Variants in SLC24A2 observed in about 807,000 individuals in gnomAD.
SLC24A2 encodes solute carrier family 24 member 2, also known as sodium/potassium/calcium exchanger 2.
A neutral mutation model predicts 62.0 loss-of-function variants in SLC24A2; 36 were observed. The observed-to-expected ratio is 0.58, with a 90% CI of 0.44 to 0.77. SLC24A2 has a LOEUF of 0.77. Ranked by LOEUF, SLC24A2 falls within the 30% of genes least tolerant of loss-of-function variation. The probability of loss-of-function intolerance (pLI) is 0.00; values close to 1 mark genes in which losing one functional copy is unlikely to be tolerated. For synonymous variants in SLC24A2, 358 were observed against 294.0 expected (o/e 1.22, Z -2.23); for missense variants, 846 against 817.9 (o/e 1.03, Z -0.42).
At chr9:19,888,707 C>A in the SLC24A2 span, among the ~76,000 whole-genome samples, 44 of 152,208 alleles carry the variant, frequency 2.9e-4, no homozygotes, top group Non-Finnish European at 5.9e-4. Flanking sequence ...GGAAGCTGAA[C>A]CACTCTAGGT....
chr9:19,511,448 T>C lies in SLC24A2; in HGVS notation c.*4705A>G, dbSNP rs1459892667. ...TGGCTAAACATAGCCTGATATTTGTTACTGTTTTAAACTACATAGGGATAT... is the reference window on the plus strand; with the variant it reads ...TGGCTAAACATAGCCTGATATTTGTCACTGTTTTAAACTACATAGGGATAT... On this transcript the variant is annotated 3_prime_UTR_variant, in exon 11 of 11. Coordinates refer to ENST00000341998, the MANE Select transcript of SLC24A2 (RefSeq NM_020344.4). 1.3e-5 allele frequency: 2 copies of C among 152,196 alleles called. No homozygotes were observed. Among genetic ancestry groups the C allele is most frequent in the Non-Finnish European group, 2.9e-5 (2 of 68,028 alleles). 9.4% of individuals were successfully genotyped at this position (152,196 alleles called of 1,614,324 possible).
intron 8 of SLC24A2, among the ~76,000 whole-genome samples, chr9:19,530,352 T>C (rs1283061753): frequency 6.6e-6 from 1 of 152,150 alleles, no homozygotes; most frequent in Non-Finnish European, 1.5e-5. Context: ...TTCTGGGCAA[T>C]GTATGAGGAC....
At chr9:20,237,714 G>C in the SLC24A2 span, among the ~76,000 whole-genome samples, 1 of 152,136 alleles carries the variant, frequency 6.6e-6, no homozygotes, top group Non-Finnish European at 1.5e-5. Context: ...AGTAAGACTT[G>C]ATCTGAGCAG....
the SLC24A2 span, among the ~76,000 whole-genome samples, chr9:19,960,925 T>A: frequency 6.6e-6 from 1 of 152,138 alleles, no homozygotes; most frequent in East Asian, 1.9e-4. Flanking sequence ...AGCAAATATA[T>A]CTATTATTAT....
At chr9:20,031,564 T>C in the SLC24A2 span, among the ~76,000 whole-genome samples, 1 of 152,090 alleles carries the variant, frequency 6.6e-6, no homozygotes, top group Admixed American at 6.6e-5. Context: ...GAGAAGGATG[T>C]ACTTTTTTAA....
chr9:19,595,466 T>C (rs1368814564), intron 5 of SLC24A2, among the ~76,000 whole-genome samples: 1 of 152,176 alleles, frequency 6.6e-6, no homozygotes, highest in Admixed American at 6.5e-5. Flanking sequence ...TAAAGTATGT[T>C]GAGGGTGACC....
the SLC24A2 span, among the ~76,000 whole-genome samples, chr9:20,001,361 G>C: frequency 1.3e-5 from 2 of 152,164 alleles, no homozygotes; most frequent in African/African-American, 4.8e-5. Context: ...GGAGAGAAGG[G>C]AACTGTCCTG....
chr9:20,111,764 G>A, the SLC24A2 span, among the ~76,000 whole-genome samples: 1 of 152,022 alleles, frequency 6.6e-6, no homozygotes, highest in Non-Finnish European at 1.5e-5. Flanking sequence ...AATGTTAATG[G>A]CTTATTAAGA....
the SLC24A2 span, among the ~76,000 whole-genome samples, chr9:20,086,323 T>G: frequency 6.6e-5 from 10 of 152,136 alleles, no homozygotes; most frequent in Non-Finnish European, 1.3e-4. Flanking sequence ...GTGCACCTGC[T>G]CAGGGCTGCT....
the SLC24A2 span, among the ~76,000 whole-genome samples, chr9:19,932,643 A>G: frequency 6.6e-6 from 1 of 152,224 alleles, no homozygotes; most frequent in African/African-American, 2.4e-5. Flanking sequence ...GCTAGAACTC[A>G]GAACTTCTGA....
chr9:20,098,774 G>A, the SLC24A2 span, among the ~76,000 whole-genome samples: 2 of 152,178 alleles, frequency 1.3e-5, no homozygotes, highest in African/African-American at 4.8e-5. Context: ...ACAGGACGAA[G>A]GGAAAGATAT....
chr9:19,873,345 C>T, the SLC24A2 span, among the ~76,000 whole-genome samples: 3 of 143,258 alleles, frequency 2.1e-5, no homozygotes, highest in African/African-American at 7.7e-5. Flanking sequence ...CTTTTCTTTT[C>T]CTTTCTTTCC....
At chr9:19,998,545 A>G in the SLC24A2 span, among the ~76,000 whole-genome samples, 2 of 152,208 alleles carry the variant, frequency 1.3e-5, no homozygotes, top group Non-Finnish European at 2.9e-5. Flanking sequence ...TGCCCAGTGA[A>G]AAGAGCAGCT....
At chr9:20,183,123 G>A in the SLC24A2 span, among the ~76,000 whole-genome samples, 11 of 152,168 alleles carry the variant, frequency 7.2e-5, no homozygotes, top group East Asian at 1.2e-3. Context: ...TTAGTGGCTC[G>A]TACCTGGACT....
the SLC24A2 span, among the ~76,000 whole-genome samples, chr9:19,829,309 G>A: frequency 6.6e-6 from 1 of 152,144 alleles, no homozygotes; most frequent in Non-Finnish European, 1.5e-5. Context: ...GCACCGGTGT[G>A]GTTGATATAG....
intron 2 of SLC24A2, among the ~76,000 whole-genome samples, chr9:19,687,988 CTT>C (rs1487766769): frequency 2.0e-5 from 3 of 152,190 alleles, no homozygotes; most frequent in African/African-American, 7.2e-5. Flanking sequence ...ATTTATCTCT[CTT>C]CTTTTACCAT....
the SLC24A2 span, among the ~76,000 whole-genome samples, chr9:20,184,298 C>G: frequency 6.6e-6 from 1 of 152,190 alleles, no homozygotes; most frequent in Non-Finnish European, 1.5e-5. Flanking sequence ...GCCTGTTAAT[C>G]CCAGCACTTT....
At chr9:20,211,252 C>T in the SLC24A2 span, among the ~76,000 whole-genome samples, 278 of 152,254 alleles carry the variant, frequency 1.8e-3, 2 homozygotes, top group African/African-American at 6.2e-3. Flanking sequence ...GTGGCTCACA[C>T]CTGTAATCCT....
At chr9:20,234,887 C>T in the SLC24A2 span, among the ~76,000 whole-genome samples, 9 of 152,104 alleles carry the variant, frequency 5.9e-5, no homozygotes, top group South Asian at 2.1e-4. Flanking sequence ...ATGATGGTGA[C>T]GTACAGATGG....
Sources: gnomAD v4.1 joint callset for allele counts (sites outside exome capture counted in the v4.1 genomes callset) on GRCh38, gnomAD v4.1.1 for gene constraint, MANE v1.5 for transcripts, NCBI Gene and HGNC (gene_info 2026-07-23, HGNC 2026-07-21) for gene names.